The following TSHZ3 variants were observed in gnomAD, a reference collection of about 807,000 sequenced individuals.
TSHZ3 encodes teashirt zinc finger homeobox 3.
In TSHZ3, 10 loss-of-function variants were observed where a neutral mutation model predicts 64.5. The ratio of observed to expected loss-of-function variants is 0.16; its 90% CI spans 0.10 to 0.26. The LOEUF (loss-of-function observed/expected upper bound fraction) is 0.26. Among genes scored for constraint, TSHZ3 ranks in the 10% least tolerant of loss-of-function variants. TSHZ3 has a pLI of 1.00. For synonymous variants in TSHZ3, 608 were observed against 593.1 expected (o/e 1.03, Z -0.36); for missense variants, 1,242 against 1,421.7 (o/e 0.87, Z 2.03).
At chr19:31,212,105 G>A (rs966114956) in intron 4 of TSHZ3, among the ~76,000 whole-genome samples, 1 of 150,656 alleles carries the variant, frequency 6.6e-6, no homozygotes. Context: ...ACCGTGAAAT[G>A]TTAGGGCAGT....
downstream of TSHZ3, among the ~76,000 whole-genome samples, chr19:31,274,252 A>G (rs1051696815): frequency 3.3e-5 from 5 of 152,122 alleles, no homozygotes; most frequent in African/African-American, 1.2e-4. Context: ...GTTTGAATAT[A>G]GTAATAAAGG....
intron 1 of TSHZ3, among the ~76,000 whole-genome samples, chr19:31,245,715 A>G (rs1388278824): frequency 2.6e-5 from 4 of 152,156 alleles, no homozygotes; most frequent in Non-Finnish European, 4.4e-5. Context: ...ACAAAGCTGG[A>G]TGCTTCAAGA....
chr19:31,225,085 C>T (rs933321199), intron 4 of TSHZ3, among the ~76,000 whole-genome samples: 1 of 152,338 alleles, frequency 6.6e-6, no homozygotes, highest in South Asian at 2.1e-4. Flanking sequence ...TGCACCCTGA[C>T]TTCAGCAACC....
Position 31,278,973 on chromosome 19 carries a change from C to T in TSHZ3, c.820G>A (p.Val274Met), listed in dbSNP as rs1338953141. ...EMEGKEDAQK[V>M]LKCMYCGHSF... ...TGGCCACAGTACATGCACTTCAGCA[C>T]CTTCTGGGCGTCTTCCTTCCCTTCC... is the stretch of plus-strand genomic sequence containing the variant. Residue 274 changes from valine (V) to methionine (M), a missense_variant, in exon 2 of 2, where the codon GTG becomes ATG. By Grantham distance (21) the Val-to-Met change is conservative. Coordinates refer to ENST00000240587, the MANE Select transcript of TSHZ3 (RefSeq NM_020856.4). The surrounding 1 kb of genome is among the most constrained non-coding windows in gnomAD (Gnocchi z 4.7). 2 of 1,614,158 alleles carry T rather than the reference C, an allele frequency of 1.2e-6. No homozygotes were observed. Among genetic ancestry groups the T allele is most frequent in the Non-Finnish European group, 1.7e-6 (2 of 1,180,004 alleles).
At chr19:31,232,572 G>A (rs968115114) in intron 3 of TSHZ3, among the ~76,000 whole-genome samples, 7 of 152,104 alleles carry the variant, frequency 4.6e-5, no homozygotes, top group African/African-American at 1.7e-4. Flanking sequence ...GTTTAAAATA[G>A]CAAAATACAC....
chr19:31,306,412 A>T (rs1247640765), intron 1 of TSHZ3, among the ~76,000 whole-genome samples: 1 of 152,212 alleles, frequency 6.6e-6, no homozygotes, highest in Non-Finnish European at 1.5e-5. Flanking sequence ...TTACTTAAAG[A>T]TACAGTTAAT....
At chr19:31,259,252 T>G (rs1467649044) in intron 1 of TSHZ3, among the ~76,000 whole-genome samples, 1 of 152,232 alleles carries the variant, frequency 6.6e-6, no homozygotes, top group Non-Finnish European at 1.5e-5. Context: ...GTTCCTTAAT[T>G]TCACACTTGG....
intron 1 of TSHZ3, among the ~76,000 whole-genome samples, chr19:31,301,248 C>T (rs1024377870): frequency 3.3e-5 from 5 of 152,038 alleles, no homozygotes; most frequent in South Asian, 2.1e-4. Flanking sequence ...ATCCCCACCA[C>T]GTCTCCCTCT....
intron 3 of TSHZ3, among the ~76,000 whole-genome samples, chr19:31,239,441 A>G (rs1975661592): frequency 6.6e-6 from 1 of 151,984 alleles, no homozygotes; most frequent in Non-Finnish European, 1.5e-5. Context: ...ACTATTCACT[A>G]TTTCTTTTTT....
At chr19:31,165,327 G>C (rs1237105225) in intron 5 of TSHZ3, among the ~76,000 whole-genome samples, 1 of 152,194 alleles carries the variant, frequency 6.6e-6, no homozygotes, top group Admixed American at 6.5e-5. Flanking sequence ...TTGCAGATGG[G>C]AGCACCTTGG....
chr19:31,163,245 G>GGAT (rs1453508162), intron 5 of TSHZ3, among the ~76,000 whole-genome samples: 1 of 152,178 alleles, frequency 6.6e-6, no homozygotes, highest in Non-Finnish European at 1.5e-5. Context: ...GTAGATGGAT[G>GGAT]GATGGATGGG....
At position 31,173,236 on chromosome 19, in the gene TSHZ3, A is replaced by G. The variant is rs117757220; in HGVS notation, n.810-16819T>C. 3.5e-3 allele frequency among the ~76,000 whole-genome samples: 530 copies of G among 152,332 alleles called. 3 individuals are homozygous for G. Among genetic ancestry groups the G allele is most frequent in the Non-Finnish European group, 4.7e-3 (321 of 68,036 alleles). On this transcript the variant is annotated intron_variant and non_coding_transcript_variant, in intron 5 of 6. Coordinates refer to the TSHZ3 transcript ENST00000651361. ...GTGGAAATATTCTAAAGGCAATCCA[A>G]CAGGCTTACCTCACAGATTAGATGT...
chr19:31,187,990 A>T (rs1974840195), intron 5 of TSHZ3, among the ~76,000 whole-genome samples: 1 of 152,110 alleles, frequency 6.6e-6, no homozygotes, highest in South Asian at 2.1e-4. Context: ...GCAGTGAGTT[A>T]AATTTCGGAG....
At chr19:31,265,082 C>T (rs1421307564) in intron 1 of TSHZ3, among the ~76,000 whole-genome samples, 6 of 152,050 alleles carry the variant, frequency 3.9e-5, no homozygotes, top group African/African-American at 1.5e-4. Flanking sequence ...TTAGGAGAAC[C>T]TGCTCCCAGT....
chr19:31,341,408 T>C (rs1193335832), intron 1 of TSHZ3, among the ~76,000 whole-genome samples: 1 of 151,834 alleles, frequency 6.6e-6, no homozygotes, highest in Non-Finnish European at 1.5e-5. Context: ...TGGGAGTGTG[T>C]CTCAAATACC....
Position 31,277,695 on chromosome 19 carries a change from T to C in TSHZ3, c.2098A>G (p.Ser700Gly), listed in dbSNP as rs1976268975. 6.6e-7 allele frequency: 1 copy of C among 1,526,628 alleles called. No homozygotes were observed. The highest frequency in any genetic ancestry group is 2.2e-5 in the Admixed American group (1 of 46,056). 94.6% of individuals were successfully genotyped at this position (1,526,628 alleles called of 1,614,324 possible). The change falls in exon 2 of 2, where the codon AGC becomes GGC. Residue 700 changes from serine (S) to glycine (G), a missense_variant. This residue lies in a region of TSHZ3 where 550 missense variants were observed against 545.1 expected (regional missense o/e 1.01). Coordinates refer to ENST00000240587, the MANE Select transcript of TSHZ3 (RefSeq NM_020856.4). This position sits in a 1 kb window ranked among gnomAD's most constrained non-coding sequence, Gnocchi z 4.5. ...ATGGCCGTGCTGCCACTCAAACTGC[T>C]GGCTAGGGGCTTCACCAGCTCCTTG... ...NGKELVKPLA[S>G]SLSGSTAIIT...
At chr19:31,240,723 G>A (rs533842118) in intron 3 of TSHZ3, among the ~76,000 whole-genome samples, 43 of 151,644 alleles carry the variant, frequency 2.8e-4, no homozygotes, top group South Asian at 8.3e-4. Flanking sequence ...CTTTTTTTCC[G>A]TATATGTTAT....
intron 1 of TSHZ3, among the ~76,000 whole-genome samples, chr19:31,341,971 C>T (rs189349860): frequency 2.6e-5 from 4 of 152,330 alleles, no homozygotes; most frequent in African/African-American, 9.6e-5. Flanking sequence ...TATCAATGAA[C>T]ACAGCTCGAA....
In TSHZ3 at chr19:31,277,996, C is replaced by G; in HGVS notation, c.1797G>C (p.Thr599=). The change falls in exon 2 of 2, where the codon ACG becomes ACC. Residue 599 remains threonine (T), a synonymous_variant. Transcript: ENST00000240587. This position sits in a 1 kb window ranked among gnomAD's most constrained non-coding sequence, Gnocchi z 4.5. ...GAAAGTTTGTCTTGGGCATGGGGGA[C>G]GTCTGGCTGCTGGGTGGAGAGACCA... is the stretch of plus-strand genomic sequence containing the variant. ...QTLVSPPSSQ[T]SPMPKTNFHA... The G allele has an allele frequency of 6.2e-6, 10 of 1,614,060 alleles. No homozygotes were observed. The highest frequency in any genetic ancestry group is 8.5e-6 in the Non-Finnish European group (10 of 1,179,952).
Sources: allele counts gnomAD v4.1 joint callset (sites outside exome capture counted in the v4.1 genomes callset), GRCh38; gene constraint gnomAD v4.1.1; regional missense constraint gnomAD v4.1.1; non-coding constraint Gnocchi (gnomAD v3.1); transcripts MANE v1.5; gene names NCBI Gene and HGNC (gene_info 2026-07-23, HGNC 2026-07-21).